PRH1: variants seen among roughly 807,000 people sequenced by gnomAD.
The protein encoded by PRH1 is salivary acidic proline-rich phosphoprotein 1/2.
In PRH1, 7 loss-of-function variants were observed where a neutral mutation model predicts 7.9. The observed-to-expected ratio is 0.89, with a 90% CI of 0.50 to 1.67. The LOEUF is 1.67. Among genes scored for constraint, PRH1 ranks in the 40% most tolerant of loss-of-function variants. The probability of loss-of-function intolerance (pLI) is 0.00; values close to 1 mark genes in which losing one functional copy is unlikely to be tolerated. For synonymous variants in PRH1, 45 were observed against 80.8 expected (o/e 0.56, Z 2.38); for missense variants, 109 against 223.6 (o/e 0.49, Z 3.27).
chr12:11,038,830 C>T (rs572273638), intron 1 of PRH1, among the ~76,000 whole-genome samples: 7 of 150,336 alleles, frequency 4.7e-5, no homozygotes, highest in Admixed American at 1.4e-4. Context: ...ATGCCATACT[C>T]GGCCGAAATG....
At chr12:11,026,336 G>T (rs1941913100) in intron 1 of PRH1, among the ~76,000 whole-genome samples, 1 of 152,028 alleles carries the variant, frequency 6.6e-6, no homozygotes, top group Non-Finnish European at 1.5e-5. Flanking sequence ...CCTGCAGGGG[G>T]AGTTTTTGAA....
chr12:10,969,902 C>CTTT (rs1938716187), intron 2 of PRH1, among the ~76,000 whole-genome samples: 2 of 152,096 alleles, frequency 1.3e-5, no homozygotes. Context: ...CAGGTTCAAG[C>CTTT]AATTCTCCTT....
At chr12:11,061,679 G>C in intron 1 of PRH1, 1 of 1,614,120 alleles carries the variant, frequency 6.2e-7, no homozygotes, top group Non-Finnish European at 8.5e-7. Flanking sequence ...ATCTTTTTGA[G>C]ATGTTTACAC....
intron 2 of PRH1, among the ~76,000 whole-genome samples, chr12:10,945,799 C>T (rs987639102): frequency 3.3e-5 from 5 of 152,226 alleles, no homozygotes; most frequent in South Asian, 2.1e-4. Flanking sequence ...AAAAGACAGC[C>T]GTCCCCAAAG....
At chr12:11,168,029 T>C (rs940763020) in intron 1 of PRH1, among the ~76,000 whole-genome samples, 2 of 151,806 alleles carry the variant, frequency 1.3e-5, no homozygotes, top group African/African-American at 4.8e-5. Flanking sequence ...ATCTTAATAA[T>C]CTGACAATTA....
chr12:10,986,730 G>C, intron 1 of PRH1: 1 of 1,612,988 alleles, frequency 6.2e-7, no homozygotes. Context: ...AATTTGGTCA[G>C]CTGAGGAGAT....
At chr12:11,147,090 A>C (rs1946884852) in intron 1 of PRH1, among the ~76,000 whole-genome samples, 1 of 152,206 alleles carries the variant, frequency 6.6e-6, no homozygotes, top group Non-Finnish European at 1.5e-5. Context: ...CAATTTTCAC[A>C]AAACTTTAAT....
intron 2 of PRH1, among the ~76,000 whole-genome samples, chr12:10,926,786 G>A (rs754482096): frequency 5.4e-4 from 82 of 152,106 alleles, no homozygotes; most frequent in Non-Finnish European, 1.1e-3. Flanking sequence ...TGAACCACTA[G>A]GTAAACACCT....
chr12:10,902,616 T>C (rs557256435), intron 2 of PRH1, among the ~76,000 whole-genome samples: 1 of 151,968 alleles, frequency 6.6e-6, no homozygotes, highest in South Asian at 2.1e-4. Flanking sequence ...TAAAGGCAGC[T>C]AGAGAAAAAG....
At position 11,036,233 on chromosome 12, in the gene PRH1, A is replaced by G. The variant is rs535664704; in HGVS notation, c.-126+10787T>C. On this transcript the variant is annotated intron_variant, in intron 1 of 3. Transcript: ENST00000539853. Reference sequence around the variant, plus strand: ...AGCAGAAATCAAAACTTCTTAGTTTATAACAATCATTGAAAGATCAAATAG... The same window carrying G: ...AGCAGAAATCAAAACTTCTTAGTTTGTAACAATCATTGAAAGATCAAATAG... Among the ~76,000 whole-genome samples the G allele has an allele frequency of 1.4e-4, 22 of 151,908 alleles. No individual in the cohort carries two copies. In the South Asian group the frequency reaches 4.1e-3, roughly 29 times the overall value.
At chr12:11,158,637 T>C (rs934056146) in intron 1 of PRH1, 1 of 152,186 alleles carries the variant, frequency 6.6e-6, no homozygotes, top group Non-Finnish European at 1.5e-5. Context: ...ATATGGTTAG[T>C]GAATATTTTA....
At chr12:11,088,162 G>C (rs1223294169) in intron 1 of PRH1, among the ~76,000 whole-genome samples, 1 of 130,278 alleles carries the variant, frequency 7.7e-6, no homozygotes, top group Non-Finnish European at 1.7e-5. Flanking sequence ...GTAACACGGT[G>C]AAATCCTAGC....
At chr12:10,999,093 C>T (rs1591792104) in intron 1 of PRH1, among the ~76,000 whole-genome samples, 2 of 152,172 alleles carry the variant, frequency 1.3e-5, no homozygotes, top group Non-Finnish European at 2.9e-5. Flanking sequence ...ATCCACCAAA[C>T]CCCAGCTTAA....
Position 10,972,159 on chromosome 12 carries a change from G to T in PRH1, c.-59+1496C>A, listed in dbSNP as rs546352428. The stretch of plus-strand genomic sequence containing the variant: ...AAAAATGTTTATACATTTAATATAG[G>T]TGTCATGGGAAAATACAAATTCCAC... On this transcript the variant is annotated intron_variant, in intron 2 of 3. Coordinates refer to the PRH1 transcript ENST00000539853. 1.9e-4 allele frequency among the ~76,000 whole-genome samples: 29 copies of T among 152,174 alleles called. No individual in the cohort carries two copies. In the South Asian group the frequency reaches 4.1e-3, roughly 22 times the overall value.
intron 2 of PRH1, chr12:10,930,731 A>T (rs1950195360): frequency 6.2e-7 from 1 of 1,613,726 alleles, no homozygotes; most frequent in African/African-American, 1.3e-5. Context: ...CAGCAATCTC[A>T]ACCCTCTGCT....
intron 1 of PRH1, among the ~76,000 whole-genome samples, chr12:11,003,539 C>T (rs886447102): frequency 1.3e-5 from 2 of 151,510 alleles, no homozygotes; most frequent in African/African-American, 4.8e-5. Context: ...TACAGTTTTG[C>T]CACCAATGTA....
intron 1 of PRH1, chr12:10,985,808 G>GT: frequency 1.2e-6 from 1 of 818,352 alleles, no homozygotes. Context: ...ACTTTTCTAG[G>GT]TATGCTTTCA....
intron 2 of PRH1, chr12:10,895,201 A>G (rs1187576255): frequency 6.6e-6 from 1 of 152,192 alleles, no homozygotes; most frequent in East Asian, 1.9e-4. Flanking sequence ...TAGGTTTTAC[A>G]TGGGCTTCTG....
chr12:11,097,875 CTA>C (rs1200202104), intron 1 of PRH1, among the ~76,000 whole-genome samples: 1 of 109,554 alleles, frequency 9.1e-6, no homozygotes, highest in African/African-American at 3.0e-5. Context: ...CACGATTCTT[CTA>C]TGATTCTCAG....
Sources: allele counts gnomAD v4.1 joint callset (sites outside exome capture counted in the v4.1 genomes callset), GRCh38; gene constraint gnomAD v4.1.1; transcripts MANE v1.5; gene names NCBI Gene and HGNC (gene_info 2026-07-23, HGNC 2026-07-21).